Variants in MRC2 observed in about 807,000 individuals in gnomAD.
MRC2 encodes the protein C-type mannose receptor 2.
A neutral mutation model predicts 206.2 loss-of-function variants in MRC2; 84 were observed. The observed-to-expected ratio is 0.41, with a 90% CI of 0.34 to 0.49. The LOEUF is 0.49. Among genes scored for constraint, MRC2 ranks in the 20% least tolerant of loss-of-function variants. The pLI is 0.31. For synonymous variants in MRC2, 798 were observed against 800.0 expected, an observed-to-expected ratio of 1.00 and a Z score of 0.04; for missense variants, 1,676 against 2,001.5, an observed-to-expected ratio of 0.84 and a Z score of 3.10.
chr17:62,669,532 TATTTA>T (rs1374800131), intron 6 of MRC2, among the ~76,000 whole-genome samples: 10 of 150,100 alleles, frequency 6.7e-5, no homozygotes, highest in Non-Finnish European at 1.3e-4. Flanking sequence ...TTTTTATTTT[TATTTA>T]TTTATTTTTT....
chr17:62,674,704 G>C (rs182030247), intron 9 of MRC2, among the ~76,000 whole-genome samples: 3 of 151,994 alleles, frequency 2.0e-5, no homozygotes, highest in Non-Finnish European at 4.4e-5. Context: ...GAGGTTGAGG[G>C]GGGGGGTGTC....
chr17:62,629,789 C>T (rs1330628529), intron 1 of MRC2, among the ~76,000 whole-genome samples: 1 of 152,226 alleles, frequency 6.6e-6, no homozygotes, highest in Non-Finnish European at 1.5e-5. Context: ...TCACCAGCAC[C>T]AGAGACCAAA....
intron 1 of MRC2, among the ~76,000 whole-genome samples, chr17:62,662,204 T>G (rs1244940836): frequency 6.6e-6 from 1 of 151,394 alleles, no homozygotes; most frequent in Non-Finnish European, 1.5e-5. Flanking sequence ...GAGCCAAGAT[T>G]GCGCCACTGC....
In MRC2 at chr17:62,678,595, C is replaced by T; in HGVS notation, c.2144C>T (p.Ala715Val). Residue 715 changes from alanine to valine, a missense_variant, in exon 13 of 30, where the codon GCC (alanine) becomes GTC (valine). Ala to Val is a moderately conservative substitution (Grantham distance 64). Coordinates refer to ENST00000303375, the MANE Select transcript of MRC2 (RefSeq NM_006039.5). ...QELGAQLLSL[A>V]SYEEEHFVAN... is the part of the protein sequence containing the mutation. ...CTGGGGGCCCAGCTGCTGAGCCTGG[C>T]CAGCTACGAGGAGGAGCACTTTGTG... is the stretch of plus-strand genomic sequence containing the variant. The T allele has an allele frequency of 5.6e-6, 9 of 1,610,564 alleles. No individual in the cohort carries two copies. Among genetic ancestry groups the T allele is most frequent in the Non-Finnish European group, 7.6e-6 (9 of 1,179,068 alleles).
chr17:62,627,847 G>A lies in MRC2; in HGVS notation c.45G>A (p.Leu15=). ...RPAPAPWPRH[L]LRCVLLLGCL... ...CCCCCGCGCCCTGGCCTCGTCACCT[G>A]CTGCGCTGCGTCCTGCTCCTCGGGT... The change falls in exon 1 of 30, where the codon CTG becomes CTA. Residue 15 remains leucine (L), a synonymous_variant. Transcript: ENST00000303375. 1 of 1,477,094 alleles carries A rather than the reference G, an allele frequency of 6.8e-7. No individual in the cohort carries two copies. Among genetic ancestry groups the A allele is most frequent in the Admixed American group, 2.4e-5 (1 of 41,872 alleles). 91.5% of individuals were successfully genotyped at this position (1,477,094 alleles called of 1,614,324 possible).
chr17:62,692,451 G>C lies in MRC2; in HGVS notation c.4440G>C (p.Ter1480TyrextTer93), dbSNP rs1276422591. Residue 1480 changes from the stop codon to tyrosine (Y), a stop_lost, in exon 30 of 30, where the codon TAG becomes TAC. Transcript: ENST00000303375. This position sits in a 1 kb window ranked among gnomAD's most constrained non-coding sequence, Gnocchi z 4.2. ...TGGAAATGAATGAGCAACAAGAATA[G>C]AGCCAGGCGCGTGGGCAGGGCCAGG... ...SDMEMNEQQE* is the reference protein window; with the variant it reads ...SDMEMNEQQEY The C allele has an allele frequency of 1.3e-6, 2 of 1,555,586 alleles. No homozygotes were observed. The highest frequency in any genetic ancestry group is 1.4e-5 in the African/African-American group (1 of 73,626).
At chr17:62,665,094 T>C in intron 2 of MRC2, 145 bp downstream of exon 2, 1 of 976,646 alleles carries the variant, frequency 1.0e-6, no homozygotes, top group East Asian at 2.7e-5. Flanking sequence ...AAGCATTTTT[T>C]AATAATTAAG....
At position 62,689,022 on chromosome 17, in the gene MRC2, G is replaced by T. The variant is rs575267565; in HGVS notation, c.3334+62G>T. 113 of 1,331,208 alleles carry T rather than the reference G, an allele frequency of 8.5e-5. No individual in the cohort carries two copies. The African/African-American group carries it at 1.5e-3, about 18-fold the overall frequency. The allele number at this position is 1,331,208 out of a possible 1,614,324, so 82.5% of individuals were successfully genotyped here. A position where few individuals can be genotyped will look rare whatever the true frequency, so the allele number is the denominator to read the frequency against. On this transcript the variant is annotated intron_variant, in intron 23 of 29. Coordinates refer to ENST00000303375, the MANE Select transcript of MRC2 (RefSeq NM_006039.5). The stretch of plus-strand genomic sequence containing the variant: ...GCCCTGGCACCGGGCTGGATGCTGG[G>T]ACCATGCCAGGAGGAAGGAATCATG...
rs1194583185 is a variant in MRC2 at position 62,636,580 on chromosome 17, C to T, written c.118+8660C>T. The stretch of plus-strand genomic sequence containing the variant: ...ACCTCCCAGGTTCACGCCATTCTCC[C>T]ACCTCAGCCTCCCGAGTAGCTGGGA... On this transcript the variant is annotated intron_variant, in intron 1 of 29. Transcript: ENST00000303375. Among the ~76,000 whole-genome samples the T allele has an allele frequency of 2.6e-5, 4 of 151,306 alleles. No homozygotes were observed. The South Asian group carries it at 6.3e-4, about 24-fold the overall frequency.
chr17:62,692,052 T>C lies in MRC2; in HGVS notation c.4193-60T>C. The C allele has an allele frequency of 6.2e-7, 1 of 1,610,728 alleles. No homozygotes were observed. Among genetic ancestry groups the C allele is most frequent in the Non-Finnish European group, 8.5e-7 (1 of 1,177,066 alleles). On this transcript the variant is annotated intron_variant, in intron 28 of 29. Coordinates refer to ENST00000303375, the MANE Select transcript of MRC2 (RefSeq NM_006039.5). This position sits in a 1 kb window ranked among gnomAD's most constrained non-coding sequence, Gnocchi z 4.2. ...AGGCCTGTGTGCTTTGTATGTTTAC[T>C]TAAGTGATTATTACGATGATCACTG... is the stretch of plus-strand genomic sequence containing the variant.
In MRC2 at chr17:62,677,390, G is replaced by A; in HGVS notation, c.1956G>A (p.Val652=). ...GCCGGCAGAGCCTGGGCACTCCAGT[G>A]ACGCCGGAGCTGCCGGGGCCAGATC... is the stretch of plus-strand genomic sequence containing the variant. ...YICRQSLGTP[V]TPELPGPDPT... Residue 652 remains valine, a synonymous_variant, in exon 12 of 30, where the codon GTG becomes GTA. Transcript: ENST00000303375. The A allele has an allele frequency of 1.2e-6, 2 of 1,610,894 alleles. No homozygotes were observed.
At position 62,689,770 on chromosome 17, in the gene MRC2, C is replaced by T. The variant is rs765358422; in HGVS notation, c.3573+10C>T. ...GCTGGCTGGCGAGGAGGTGGGCTCC[C>T]GACACTTTTGCCCTGGGCCCCAGCC... On this transcript the variant is annotated intron_variant, in intron 24 of 29. Transcript: ENST00000303375. 14 of 1,537,900 alleles carry T rather than the reference C, an allele frequency of 9.1e-6. No homozygotes were observed. Among genetic ancestry groups the T allele is most frequent in the Admixed American group, 7.8e-5 (4 of 51,314 alleles).
At position 62,669,495 on chromosome 17, in the gene MRC2, C is replaced by T. The variant is rs911256841; in HGVS notation, c.1117+1962C>T. ...CCTCCCAAAGTGCTGGGATTACAGG[C>T]GTGAGCCACCGCACCCCGCCTTTTT... is the stretch of plus-strand genomic sequence containing the variant. On this transcript the variant is annotated intron_variant, in intron 6 of 29. Transcript: ENST00000303375. Among the ~76,000 whole-genome samples the T allele has an allele frequency of 4.0e-5, 6 of 151,776 alleles. No individual in the cohort carries two copies. The South Asian group carries it at 8.4e-4, about 21-fold the overall frequency.
chr17:62,629,780 C>T (rs575072594), intron 1 of MRC2, among the ~76,000 whole-genome samples: 1 of 152,334 alleles, frequency 6.6e-6, no homozygotes, highest in East Asian at 1.9e-4. Flanking sequence ...GGGAGGAATT[C>T]ACCAGCACCA....
chr17:62,659,404 G>T (rs1367037529), intron 1 of MRC2, among the ~76,000 whole-genome samples: 1 of 152,164 alleles, frequency 6.6e-6, no homozygotes, highest in African/African-American at 2.4e-5. Flanking sequence ...GCTGAGCATG[G>T]TGACGCAGGC....
chr17:62,678,563 C>T lies in MRC2; in HGVS notation c.2112C>T (p.Cys704=), dbSNP rs770359299. 1.1e-5 allele frequency: 17 copies of T among 1,609,426 alleles called. No individual in the cohort carries two copies. Among genetic ancestry groups the T allele is most frequent in the Non-Finnish European group, 1.4e-5 (17 of 1,178,768 alleles). The change falls in exon 13 of 30, where the codon TGC becomes TGT. Residue 704 remains cysteine, a synonymous_variant. Transcript: ENST00000303375. ...GCTGGGTCCAGGCCCAGGGGGCCTG[C>T]CAGGAGCTGGGGGCCCAGCTGCTGA... is the stretch of plus-strand genomic sequence containing the variant. ...KKSWVQAQGA[C]QELGAQLLSL...
At chr17:62,661,146 C>T (rs565794656) in intron 1 of MRC2, among the ~76,000 whole-genome samples, 1 of 152,236 alleles carries the variant, frequency 6.6e-6, no homozygotes, top group South Asian at 2.1e-4. Flanking sequence ...GAGGTCAAAG[C>T]GACTTGAGCA....
At chr17:62,689,468 G>T in intron 23 of MRC2, 54 bp from the exon 24 acceptor site, 1 of 1,244,060 alleles carries the variant, frequency 8.0e-7, no homozygotes, top group Non-Finnish European at 1.1e-6. Flanking sequence ...CTTGTGCCTG[G>T]GAACGGGGTG....
chr17:62,646,517 T>G (rs140828470), intron 1 of MRC2, among the ~76,000 whole-genome samples: 158 of 152,304 alleles, frequency 1.0e-3, no homozygotes, highest in African/African-American at 3.3e-3. Context: ...CACACCAGAC[T>G]CCTTGCTCAG....
Sources: allele counts gnomAD v4.1 joint callset (sites outside exome capture counted in the v4.1 genomes callset), GRCh38; gene constraint gnomAD v4.1.1; non-coding constraint Gnocchi (gnomAD v3.1); transcripts MANE v1.5; gene names NCBI Gene and HGNC (gene_info 2026-07-23, HGNC 2026-07-21).